CECR2: variants seen among roughly 807,000 people sequenced by gnomAD.
The protein encoded by CECR2 is CECR2 histone acetyl-lysine reader.
CECR2 carries 30 observed loss-of-function variants against 154.5 expected under a neutral mutation model. The ratio of observed to expected loss-of-function variants is 0.19; its 90% CI spans 0.15 to 0.26. The LOEUF (loss-of-function observed/expected upper bound fraction) is 0.26. CECR2 is among the 10% of genes least tolerant of loss of function. CECR2 has a pLI of 1.00. For synonymous variants in CECR2, 725 were observed against 683.7 expected, an observed-to-expected ratio of 1.06 and a Z score of -0.94; for missense variants, 1,743 against 1,829.3, an observed-to-expected ratio of 0.95 and a Z score of 0.86.
intron 1 of CECR2, among the ~76,000 whole-genome samples, chr22:17,378,263 G>T (rs553687048): frequency 1.3e-5 from 2 of 151,072 alleles, no homozygotes; most frequent in South Asian, 2.1e-4. Context: ...GATTACAGGT[G>T]TGAGCCACCG....
At chr22:17,480,829 C>A (rs370280969) in intron 2 of CECR2, among the ~76,000 whole-genome samples, 5 of 150,626 alleles carry the variant, frequency 3.3e-5, no homozygotes, top group African/African-American at 1.2e-4. Flanking sequence ...CACTTGAGGT[C>A]GGGAGTTCAA....
chr22:17,375,589 G>T (rs548533471), intron 1 of CECR2, among the ~76,000 whole-genome samples: 1 of 152,324 alleles, frequency 6.6e-6, no homozygotes, highest in South Asian at 2.1e-4. Context: ...CCATGGTGAG[G>T]TGTAGATTGT....
chr22:17,497,767 G>T (rs1355836147), intron 3 of CECR2, among the ~76,000 whole-genome samples, 181 bp downstream of exon 3: 1 of 152,134 alleles, frequency 6.6e-6, no homozygotes, highest in Non-Finnish European at 1.5e-5. Context: ...GGAGATGCAA[G>T]ATGTACATCC....
intron 1 of CECR2, among the ~76,000 whole-genome samples, chr22:17,453,347 C>T (rs2054801915): frequency 6.6e-6 from 1 of 152,144 alleles, no homozygotes; most frequent in African/African-American, 2.4e-5. Flanking sequence ...GAAGCTGAGG[C>T]AGGAGAACTG....
intron 1 of CECR2, among the ~76,000 whole-genome samples, chr22:17,432,742 C>A (rs2054445096): frequency 6.6e-6 from 1 of 152,126 alleles, no homozygotes; most frequent in African/African-American, 2.4e-5. Context: ...CTCAAGCAAC[C>A]CTCCTACCTC....
At chr22:17,477,076 A>T (rs1418815593) in intron 1 of CECR2, 10 of 714,808 alleles carry the variant, frequency 1.4e-5, no homozygotes. Context: ...CAAAATAAAA[A>T]TTGTCATTAT....
At chr22:17,523,273 A>C (rs892266568) in intron 8 of CECR2, among the ~76,000 whole-genome samples, 1 of 151,604 alleles carries the variant, frequency 6.6e-6, no homozygotes, top group Non-Finnish European at 1.5e-5. Context: ...AACTCCAGTT[A>C]CTTGGGAGGC....
At chr22:17,466,007 C>CTCTA (rs909806898) in intron 1 of CECR2, among the ~76,000 whole-genome samples, 13 of 151,940 alleles carry the variant, frequency 8.6e-5, no homozygotes, top group African/African-American at 2.9e-4. Flanking sequence ...CCCCCCGCTC[C>CTCTA]TTTATTTATT....
intron 1 of CECR2, among the ~76,000 whole-genome samples, chr22:17,447,375 G>C (rs138773711): frequency 1.3e-5 from 2 of 151,678 alleles, no homozygotes; most frequent in African/African-American, 4.9e-5. Flanking sequence ...GGATGGTCTC[G>C]ATATCCTGAC....
chr22:17,504,046 CTAAATAAATAAA>C (rs150862438), intron 6 of CECR2, among the ~76,000 whole-genome samples: 6 of 136,520 alleles, frequency 4.4e-5, no homozygotes, highest in African/African-American at 1.1e-4. Context: ...GACTCTGCCT[CTAAATAAATAAA>C]TAAATAAATA....
chr22:17,459,862 C>T (rs1353785000), intron 1 of CECR2, among the ~76,000 whole-genome samples: 1 of 152,160 alleles, frequency 6.6e-6, no homozygotes, highest in Non-Finnish European at 1.5e-5. Flanking sequence ...CTTCAGAAGC[C>T]TCTTATCCTT....
rs1049693615 is a variant in CECR2, at chr22:17,556,830, A to G, written c.*3990A>G. The stretch of plus-strand genomic sequence containing the variant: ...GCATTGCAGAAAATCAGTCCCATAT[A>G]TTAGTGAGCCATGTACTGCCCAATC... On this transcript the variant is annotated 3_prime_UTR_variant, in exon 19 of 19. Transcript: ENST00000262608. 1.3e-5 allele frequency: 2 copies of G among 152,212 alleles called. No individual in the cohort carries two copies. Among genetic ancestry groups the G allele is most frequent in the Non-Finnish European group, 2.9e-5 (2 of 68,064 alleles). 9.4% of individuals were successfully genotyped at this position (152,212 alleles called of 1,614,324 possible). A position where few individuals can be genotyped will look rare whatever the true frequency, so the allele number is the denominator to read the frequency against.
At chr22:17,528,509 G>C (rs1258105477) in intron 9 of CECR2, among the ~76,000 whole-genome samples, 5 of 152,042 alleles carry the variant, frequency 3.3e-5, no homozygotes, top group African/African-American at 4.8e-5. Flanking sequence ...GCACAGCAGA[G>C]AAGTATGGCT....
intron 2 of CECR2, among the ~76,000 whole-genome samples, chr22:17,482,837 C>T (rs1252236834): frequency 2.6e-5 from 4 of 151,032 alleles, no homozygotes; most frequent in African/African-American, 7.3e-5. Flanking sequence ...CCCACCACCA[C>T]ACCTTGCTAC....
At chr22:17,374,519 C>T (rs1037129968) in intron 1 of CECR2, among the ~76,000 whole-genome samples, 1 of 152,134 alleles carries the variant, frequency 6.6e-6, no homozygotes, top group East Asian at 1.9e-4. Flanking sequence ...GCCTATTGCT[C>T]TCATCACATT....
rs1201602380 is a variant in CECR2 at position 17,542,331 on chromosome 22, C to T, written c.2188C>T (p.Gln730Ter). Residue 730 changes from glutamine (Q) to a stop codon, truncating the protein, a stop_gained, in exon 16 of 19, where the codon CAG (glutamine) becomes TAG (stop). Transcript: ENST00000262608. LOFTEE classifies it high-confidence loss of function. Reference sequence around the variant, plus strand: ...AAGCATGTATGCTCCAGCTCAGTTCCAGCCAGGATTCATTCCTCCCCGGCA... The same window carrying T: ...AAGCATGTATGCTCCAGCTCAGTTCTAGCCAGGATTCATTCCTCCCCGGCA... ...DGSMYAPAQFQPGFIPPRHGG... is the reference protein window; with the variant it reads ...DGSMYAPAQF 6.2e-7 allele frequency: 1 copy of T among 1,613,422 alleles called. No homozygotes were observed. The highest frequency in any genetic ancestry group is 1.7e-5 in the Admixed American group (1 of 59,962).
At chr22:17,373,501 C>G (rs758923455) in intron 1 of CECR2, among the ~76,000 whole-genome samples, 1 of 152,164 alleles carries the variant, frequency 6.6e-6, no homozygotes, top group Non-Finnish European at 1.5e-5. Flanking sequence ...AACATTGTAT[C>G]CTTCCACTCA....
At chr22:17,427,317 A>G in intron 1 of CECR2, among the ~76,000 whole-genome samples, 1 of 152,084 alleles carries the variant, frequency 6.6e-6, no homozygotes, top group East Asian at 1.9e-4. Context: ...GTGCCACAAT[A>G]AACATATGTG....
intron 1 of CECR2, among the ~76,000 whole-genome samples, chr22:17,398,872 G>A (rs2095301727): frequency 6.6e-6 from 1 of 152,194 alleles, no homozygotes; most frequent in Admixed American, 6.5e-5. Flanking sequence ...GAGGCTCAGG[G>A]AGGCTTAGTA....
Sources: gnomAD v4.1 joint callset for allele counts (sites outside exome capture counted in the v4.1 genomes callset) on GRCh38, gnomAD v4.1.1 for gene constraint, MANE v1.5 for transcripts, NCBI Gene and HGNC (gene_info 2026-07-23, HGNC 2026-07-21) for gene names.